Variants in LCORL observed in about 807,000 individuals in gnomAD.
The protein encoded by LCORL is ligand dependent nuclear receptor corepressor like.
A neutral mutation model predicts 141.8 loss-of-function variants in LCORL; 41 were observed. The ratio of observed to expected loss-of-function variants is 0.29; its 90% CI spans 0.23 to 0.38. The LOEUF (loss-of-function observed/expected upper bound fraction) is 0.38, where lower values mean the gene tolerates loss of function less well. Ranked by LOEUF, LCORL falls within the 10% of genes least tolerant of loss-of-function variation. The probability of loss-of-function intolerance (pLI) is 1.00; values close to 1 mark genes in which losing one functional copy is unlikely to be tolerated. For missense variants in LCORL, 1,759 were observed against 2,035.0 expected (o/e 0.86, Z 2.61); for synonymous variants, 618 against 694.1 (o/e 0.89, Z 1.72).
chr4:17,933,713 A>G (rs1736409552), intron 4 of LCORL, among the ~76,000 whole-genome samples: 1 of 152,032 alleles, frequency 6.6e-6, no homozygotes, highest in South Asian at 2.1e-4. Flanking sequence ...CCTATACTCT[A>G]TTCATTTTGA....
intron 7 of LCORL, among the ~76,000 whole-genome samples, chr4:17,871,165 T>C (rs552568408): frequency 6.6e-6 from 1 of 151,862 alleles, no homozygotes; most frequent in African/African-American, 2.4e-5. Flanking sequence ...AAAAAAATAA[T>C]ACTTTAAAAA....
rs370060152 is a variant in LCORL, at chr4:17,850,343, C to T, written c.5603-4442G>A. Among the ~76,000 whole-genome samples the T allele has an allele frequency of 3.7e-3, 560 of 150,070 alleles. 14 individuals are homozygous for T. In the East Asian group the frequency reaches 0.058, roughly 15 times the overall value. ...AGAAACTACCATCAGAGTGAACAGG[C>T]AACCTACAGAATGGGAGAAAATTTT... On this transcript the variant is annotated intron_variant, in intron 7 of 7. Coordinates refer to ENST00000635767, the Ensembl canonical transcript of LCORL.
At chr4:17,842,374 T>C in exon 8 of LCORL, 1 of 1,611,684 alleles carries the variant, frequency 6.2e-7, no homozygotes, top group East Asian at 2.2e-5. Context: ...AAGCCGACTC[T>C]GAAAGGTATG....
intron 2 of LCORL, among the ~76,000 whole-genome samples, chr4:17,967,481 AAG>A (rs1715135936): frequency 6.6e-6 from 1 of 152,178 alleles, no homozygotes; most frequent in African/African-American, 2.4e-5. Flanking sequence ...AGGCAGAGGA[AAG>A]AGAGTACATG....
intron 2 of LCORL, among the ~76,000 whole-genome samples, chr4:17,967,262 G>GATAC (rs1715077691): frequency 6.6e-6 from 1 of 152,176 alleles, no homozygotes; most frequent in Non-Finnish European, 1.5e-5. Context: ...GGAAGTGGAA[G>GATAC]GTATGACTAG....
intron 7 of LCORL, among the ~76,000 whole-genome samples, chr4:17,864,388 C>T (rs1245222310): frequency 6.6e-6 from 1 of 152,068 alleles, no homozygotes; most frequent in Non-Finnish European, 1.5e-5. Flanking sequence ...CTACATCTGG[C>T]TGATTTTTGT....
intron 7 of LCORL, among the ~76,000 whole-genome samples, chr4:17,869,831 T>C (rs1726119565): frequency 6.6e-6 from 1 of 152,176 alleles, no homozygotes; most frequent in African/African-American, 2.4e-5. Context: ...TTCTCACATC[T>C]AAAGAGCATT....
chr4:17,853,803 T>TCTATCCAAATA (rs1724043600), intron 7 of LCORL, among the ~76,000 whole-genome samples: 1 of 152,136 alleles, frequency 6.6e-6, no homozygotes, highest in Non-Finnish European at 1.5e-5. Flanking sequence ...GTTTGTTAAG[T>TCTATCCAAATA]GCACGAACCT....
chr4:17,970,797 G>A (rs1190387072), intron 2 of LCORL, among the ~76,000 whole-genome samples: 1 of 152,136 alleles, frequency 6.6e-6, no homozygotes, highest in African/African-American at 2.4e-5. Context: ...CTATATTCTT[G>A]CAAGATCCCA....
intron 1 of LCORL, among the ~76,000 whole-genome samples, chr4:18,010,406 G>A (rs896184477): frequency 6.6e-6 from 1 of 151,844 alleles, no homozygotes; most frequent in African/African-American, 2.4e-5. Context: ...GTCTGTGTGT[G>A]TGTGTGTATA....
intron 1 of LCORL, among the ~76,000 whole-genome samples, chr4:18,003,460 A>C (rs1276168830): frequency 2.6e-5 from 4 of 152,230 alleles, no homozygotes; most frequent in Non-Finnish European, 5.9e-5. Flanking sequence ...GAGATAAAGA[A>C]CACCAGAGAA....
intron 7 of LCORL, among the ~76,000 whole-genome samples, chr4:17,853,804 G>A (rs1724043895): frequency 6.6e-6 from 1 of 152,056 alleles, no homozygotes; most frequent in South Asian, 2.1e-4. Flanking sequence ...TTTGTTAAGT[G>A]CACGAACCTA....
At chr4:17,888,872 T>C (rs976270974) in intron 5 of LCORL, among the ~76,000 whole-genome samples, 1 of 152,158 alleles carries the variant, frequency 6.6e-6, no homozygotes, top group Non-Finnish European at 1.5e-5. Context: ...TATAACTTTA[T>C]TCACTCATTT....
intron 1 of LCORL, among the ~76,000 whole-genome samples, chr4:17,980,814 G>A (rs928212689): frequency 6.6e-6 from 1 of 152,148 alleles, no homozygotes; most frequent in Non-Finnish European, 1.5e-5. Context: ...TGTTAGATCA[G>A]ATTCTCACAG....
Position 17,881,249 on chromosome 4 carries a change from C to T in LCORL, c.777-3036G>A, listed in dbSNP as rs16895961. ...TTCACCTTCATTAAGTCTGCTGAAA[C>T]GGGATTTTTCAGAAAATTGTCAATT... On this transcript the variant is annotated intron_variant, in intron 6 of 7. Transcript: ENST00000635767. The T allele has an allele frequency of 5.0e-3, 4,885 of 982,220 alleles. 201 individuals carry two copies. The African/African-American group carries it at 0.08, about 16-fold the overall frequency. The allele number at this position is 982,220 out of a possible 1,614,324, so 60.8% of individuals were successfully genotyped here. A position where few individuals can be genotyped will look rare whatever the true frequency, so the allele number is the denominator to read the frequency against.
chr4:17,984,093 C>T lies in LCORL; in HGVS notation c.155-11208G>A, dbSNP rs923208239. 3.3e-5 allele frequency among the ~76,000 whole-genome samples: 5 copies of T among 152,248 alleles called. No individual in the cohort carries two copies. In the South Asian group the frequency reaches 6.2e-4, roughly 19 times the overall value. On this transcript the variant is annotated intron_variant, in intron 1 of 7. Coordinates refer to ENST00000635767, the Ensembl canonical transcript of LCORL. ...ATTTATTGACTTGCATATGTTGAAC[C>T]GATCTTGCATCCCAGGGATAAAGCC...
At chr4:18,007,191 T>TC (rs1722959867) in intron 1 of LCORL, among the ~76,000 whole-genome samples, 2 of 152,184 alleles carry the variant, frequency 1.3e-5, no homozygotes, top group Admixed American at 1.3e-4. Flanking sequence ...CAGTGGTTTT[T>TC]CTCCACCTCT....
chr4:17,962,333 C>T (rs866234657), intron 3 of LCORL, among the ~76,000 whole-genome samples: 2 of 151,372 alleles, frequency 1.3e-5, no homozygotes, highest in African/African-American at 2.4e-5. Context: ...GCAATCCTAT[C>T]GGAGAGTTTT....
chr4:17,931,436 T>C (rs1027533103), intron 4 of LCORL, among the ~76,000 whole-genome samples: 6 of 152,064 alleles, frequency 3.9e-5, no homozygotes, highest in African/African-American at 1.2e-4. Flanking sequence ...CTTTAATTTA[T>C]GGCTGTAAAT....
Sources: allele counts gnomAD v4.1 joint callset (sites outside exome capture counted in the v4.1 genomes callset), GRCh38; gene constraint gnomAD v4.1.1; transcripts MANE v1.5; gene names NCBI Gene and HGNC (gene_info 2026-07-23, HGNC 2026-07-21).